ANTXRL: variants seen among roughly 807,000 people sequenced by gnomAD.
ANTXRL encodes the protein anthrax toxin receptor-like.
Under a neutral mutation model 75.4 loss-of-function variants are expected in ANTXRL, and 63 were observed. The observed-to-expected ratio is 0.84, with a 90% confidence interval of 0.68 to 1.03. The LOEUF is 1.03. Among genes scored for constraint, ANTXRL ranks in the 50% least tolerant of loss-of-function variants. The pLI is 0.00. For synonymous variants in ANTXRL, 335 were observed against 291.3 expected (o/e 1.15, Z -1.53); for missense variants, 797 against 789.4 (o/e 1.01, Z -0.12).
chr10:46,288,536 T>C (rs782309027), intron 1 of ANTXRL, among the ~76,000 whole-genome samples: 12 of 152,178 alleles, frequency 7.9e-5, no homozygotes, highest in Non-Finnish European at 1.6e-4. Context: ...GGTTTCTGAC[T>C]GTTCTGCTAC....
chr10:46,323,811 T>C (rs1554966010), intron 16 of ANTXRL, among the ~76,000 whole-genome samples: 2 of 152,160 alleles, frequency 1.3e-5, no homozygotes, highest in Non-Finnish European at 2.9e-5. Flanking sequence ...GCCAGTTTCA[T>C]GGTTAAAAGC....
At chr10:46,307,629 G>A in intron 12 of ANTXRL, 149 bp downstream of exon 12, 3 of 769,236 alleles carry the variant, frequency 3.9e-6, no homozygotes, top group South Asian at 3.3e-5. Flanking sequence ...CCCGGCTTCT[G>A]GATGGTGCAG....
At chr10:46,318,623 A>T (rs1184672148) in intron 16 of ANTXRL, among the ~76,000 whole-genome samples, 1 of 152,146 alleles carries the variant, frequency 6.6e-6, no homozygotes, top group South Asian at 2.1e-4. Flanking sequence ...ATAATGAAAA[A>T]CAAGAGGCTG....
intron 16 of ANTXRL, among the ~76,000 whole-genome samples, chr10:46,326,803 A>G (rs1839235961): frequency 6.6e-6 from 1 of 152,098 alleles, no homozygotes; most frequent in African/African-American, 2.4e-5. Flanking sequence ...TTGAGCCCCA[A>G]GGAAACGTGG....
At chr10:46,323,655 A>G (rs918153985) in intron 16 of ANTXRL, among the ~76,000 whole-genome samples, 2 of 152,174 alleles carry the variant, frequency 1.3e-5, no homozygotes, top group African/African-American at 4.8e-5. Flanking sequence ...TACTGGGTCT[A>G]ATTGCAGACT....
At chr10:46,326,694 C>T (rs1839229070) in intron 16 of ANTXRL, among the ~76,000 whole-genome samples, 1 of 152,082 alleles carries the variant, frequency 6.6e-6, no homozygotes, top group Non-Finnish European at 1.5e-5. Context: ...GAGGCCTGGA[C>T]TGTGGTCCAG....
intron 9 of ANTXRL, among the ~76,000 whole-genome samples, chr10:46,298,643 A>G (rs1414825029): frequency 6.6e-6 from 1 of 150,762 alleles, no homozygotes; most frequent in Non-Finnish European, 1.5e-5. Flanking sequence ...TCTGGTGTGC[A>G]GGTATGTGGT....
intron 16 of ANTXRL, among the ~76,000 whole-genome samples, chr10:46,319,904 A>C (rs1838900783): frequency 6.6e-6 from 1 of 152,188 alleles, no homozygotes; most frequent in South Asian, 2.1e-4. Flanking sequence ...TAACAAAATC[A>C]GAGGAGAGAT....
rs1238314875 is a variant in ANTXRL at position 46,309,104 on chromosome 10, C to G, written c.1045-9C>G. The G allele has an allele frequency of 6.5e-6, 10 of 1,535,600 alleles. No homozygotes were observed. Among genetic ancestry groups the G allele is most frequent in the Non-Finnish European group, 8.7e-6 (10 of 1,146,642 alleles). On this transcript the variant is annotated splice_polypyrimidine_tract_variant and intron_variant, in intron 12 of 16. Transcript: ENST00000620264. ...GAGGCCCTCCTATGGTGCTCTCTTT[C>G]TCCACCAGGGCATTTTCCGCAACTG...
At chr10:46,323,982 T>C (rs1839096783) in intron 16 of ANTXRL, among the ~76,000 whole-genome samples, 1 of 152,158 alleles carries the variant, frequency 6.6e-6, no homozygotes, top group Non-Finnish European at 1.5e-5. Flanking sequence ...AAGGAAAATG[T>C]TGAATAGTTT....
intron 12 of ANTXRL, 142 bp downstream of exon 12, chr10:46,307,622 G>A (rs1440027469): frequency 2.6e-5 from 21 of 816,766 alleles, no homozygotes; most frequent in African/African-American, 3.4e-5. Flanking sequence ...GCTCCAACCC[G>A]GCTTCTGGAT....
Position 46,329,960 on chromosome 10 carries a change from G to A in ANTXRL, c.1772G>A (p.Arg591Lys). The A allele has an allele frequency of 6.5e-7, 1 of 1,534,632 alleles. No individual in the cohort carries two copies. The highest frequency in any genetic ancestry group is 8.7e-7 in the Non-Finnish European group (1 of 1,146,460). ...RECLPLTCSS[R>K]CRLPPARCLR... ...TGCCTCCCCCTCACCTGCTCCTCCA[G>A]GTGCCGCCTCCCCCCAGCTAGGTGC... Residue 591 changes from arginine to lysine, a missense_variant, in exon 17 of 17, where the codon AGG becomes AAG. By Grantham distance (26) the Arg-to-Lys change is conservative. Around this residue, in one of 3 missense-constraint regions of ANTXRL, gnomAD observed 479 missense variants for 422.0 expected, o/e 1.14. Coordinates refer to ENST00000620264, the MANE Select transcript of ANTXRL (RefSeq NM_001278688.3).
intron 16 of ANTXRL, among the ~76,000 whole-genome samples, chr10:46,325,244 G>GAGGAGCCTT (rs1554966213): frequency 6.6e-6 from 1 of 152,138 alleles, no homozygotes; most frequent in Non-Finnish European, 1.5e-5. Flanking sequence ...AGCCTAAAGG[G>GAGGAGCCTT]AGGAGCCTTG....
At chr10:46,329,486 C>A (rs1554967061) in intron 16 of ANTXRL, 113 bp from the exon 17 acceptor site, 13 of 1,368,522 alleles carry the variant, frequency 9.5e-6, no homozygotes, top group African/African-American at 1.5e-5. Flanking sequence ...CAAGGCCCAC[C>A]CTGTGGGTCC....
intron 13 of ANTXRL, 105 bp downstream of exon 13, chr10:46,309,307 C>G (rs1838285519): frequency 6.6e-7 from 1 of 1,516,098 alleles, no homozygotes; most frequent in African/African-American, 1.4e-5. Context: ...TGGGAAGTTT[C>G]CCTCAGCTCC....
At position 46,293,811 on chromosome 10, in the gene ANTXRL, C is replaced by A; in HGVS notation, c.321-18C>A. ...GCCTGTGCCACTGGCTTCTCACCAG[C>A]ACATGATTCCTTCACAGCCCAAATA... On this transcript the variant is annotated intron_variant, in intron 2 of 16. Transcript: ENST00000620264. 2.0e-6 allele frequency: 3 copies of A among 1,534,590 alleles called. No individual in the cohort carries two copies. The highest frequency in any genetic ancestry group is 8.7e-7 in the Non-Finnish European group (1 of 1,145,782).
At position 46,301,739 on chromosome 10, in the gene ANTXRL, A is replaced by G. The variant is rs575447865; in HGVS notation, c.797-983A>G. On this transcript the variant is annotated intron_variant, in intron 9 of 16. Transcript: ENST00000620264. ...CCTCAGAAAGCATGTCGGTAGGCCA[A>G]CTTCACCCACAGCCCGCCTTGAAGG... Among the ~76,000 whole-genome samples the G allele has an allele frequency of 8.1e-4, 124 of 152,330 alleles. 1 individual carries two copies. Among genetic ancestry groups the G allele is most frequent in the African/African-American group, 2.9e-3 (120 of 41,562 alleles).
intron 16 of ANTXRL, among the ~76,000 whole-genome samples, chr10:46,314,277 C>T (rs1333209776): frequency 1.3e-5 from 2 of 152,126 alleles, no homozygotes; most frequent in African/African-American, 4.8e-5. Flanking sequence ...GCTCCTCCAG[C>T]CGCTGGGCTC....
intron 10 of ANTXRL, among the ~76,000 whole-genome samples, chr10:46,305,747 A>G (rs1345211581): frequency 6.6e-6 from 1 of 152,190 alleles, no homozygotes; most frequent in East Asian, 1.9e-4. Flanking sequence ...ACTCCCACAA[A>G]AATGAGTAAA....
Sources: allele counts gnomAD v4.1 joint callset (sites outside exome capture counted in the v4.1 genomes callset), GRCh38; gene constraint gnomAD v4.1.1; regional missense constraint gnomAD v4.1.1; transcripts MANE v1.5; gene names NCBI Gene and HGNC (gene_info 2026-07-23, HGNC 2026-07-21).